The following JAKMIP3 variants were observed in gnomAD, a reference collection of about 807,000 sequenced individuals.
JAKMIP3 encodes the protein Janus kinase and microtubule interacting protein 3.
Under a neutral mutation model 118.5 loss-of-function variants are expected in JAKMIP3, and 58 were observed. That is an observed-to-expected ratio of 0.49 (90% CI 0.40 to 0.61). JAKMIP3 has a LOEUF of 0.61. Ranked by LOEUF, JAKMIP3 falls within the 20% of genes least tolerant of loss-of-function variation. The probability of loss-of-function intolerance (pLI) is 0.00; values close to 1 mark genes in which losing one functional copy is unlikely to be tolerated. For missense variants in JAKMIP3, 950 were observed against 1,109.0 expected, an observed-to-expected ratio of 0.86 and a Z score of 2.04; for synonymous variants, 486 against 451.2, an observed-to-expected ratio of 1.08 and a Z score of -0.98.
At chr10:132,110,844 G>A (rs539528603) in intron 2 of JAKMIP3, among the ~76,000 whole-genome samples, 3 of 152,262 alleles carry the variant, frequency 2.0e-5, no homozygotes, top group African/African-American at 7.2e-5. Context: ...GCGTGAACTC[G>A]GCCTTGTCTT....
chr10:132,147,829 G>C, intron 13 of JAKMIP3, 123 bp from the exon 14 acceptor site: 1 of 652,078 alleles, frequency 1.5e-6, no homozygotes, highest in Non-Finnish European at 2.7e-6. Flanking sequence ...TTCCAGGGCT[G>C]GGTACCAGGC....
At chr10:132,149,091 A>G (rs958889623) in intron 14 of JAKMIP3, among the ~76,000 whole-genome samples, 1 of 151,906 alleles carries the variant, frequency 6.6e-6, no homozygotes, top group African/African-American at 2.4e-5. Flanking sequence ...CCCTCCCCTG[A>G]TCCTCCCCAT....
rs143956340 is a variant in JAKMIP3, at chr10:132,148,346, G to A, written c.1848+296G>A. 8.5e-5 allele frequency among the ~76,000 whole-genome samples: 13 copies of A among 152,292 alleles called. No homozygotes were observed. In the East Asian group the frequency reaches 1.4e-3, roughly 16 times the overall value. On this transcript the variant is annotated intron_variant, in intron 14 of 23. Transcript: ENST00000684848. ...CGTGTAAATATGGGGGAAATGGCCCGTGGCGCTCAGTGTCATGCAGGGAAA... is the reference window on the plus strand; with the variant it reads ...CGTGTAAATATGGGGGAAATGGCCCATGGCGCTCAGTGTCATGCAGGGAAA...
intron 1 of JAKMIP3, among the ~76,000 whole-genome samples, chr10:132,085,388 G>C (rs190629768): frequency 2.2e-4 from 33 of 152,006 alleles, no homozygotes; most frequent in African/African-American, 7.7e-4. Flanking sequence ...ATGATCTTTT[G>C]TATTTCTGTG....
intron 1 of JAKMIP3, among the ~76,000 whole-genome samples, chr10:132,100,622 G>T (rs2044710983): frequency 6.6e-6 from 1 of 152,172 alleles, no homozygotes; most frequent in South Asian, 2.1e-4. Flanking sequence ...CCCCCCAGCA[G>T]CTATGAGCTC....
intron 23 of JAKMIP3, among the ~76,000 whole-genome samples, chr10:132,180,602 C>CGTGT (rs1395185618): frequency 1.7e-4 from 2 of 12,066 alleles, no homozygotes; most frequent in Non-Finnish European, 3.2e-4. Flanking sequence ...TGTGTGCGTG[C>CGTGT]GCGTGTGTGT....
chr10:132,046,328 C>T (rs2037915417), intron 1 of JAKMIP3, among the ~76,000 whole-genome samples: 1 of 152,124 alleles, frequency 6.6e-6, no homozygotes, highest in East Asian at 1.9e-4. Context: ...TGGTGGCGGG[C>T]ACCTGTAGTC....
intron 1 of JAKMIP3, among the ~76,000 whole-genome samples, chr10:132,090,439 G>T (rs1164347854): frequency 2.0e-5 from 3 of 152,114 alleles, no homozygotes; most frequent in African/African-American, 4.8e-5. Context: ...TTAGTCTTGG[G>T]AGGGTGTATG....
rs986995240 is a variant in JAKMIP3, at chr10:132,049,191, G to T, written c.-138+12453G>T. Among the ~76,000 whole-genome samples, 1 of 151,962 alleles carries T rather than the reference G, an allele frequency of 6.6e-6. No individual in the cohort carries two copies. Among genetic ancestry groups the T allele is most frequent in the African/African-American group, 2.4e-5 (1 of 41,266 alleles). On this transcript the variant is annotated intron_variant, in intron 1 of 23. Transcript: ENST00000657785. This position sits in a 1 kb window ranked among gnomAD's most constrained non-coding sequence, Gnocchi z 4.3. Reference sequence around the variant, plus strand: ...GGTGGTCTGGGTTGATTTTCTAGCGGCTGGCGAGCTCTTTGCACCGTGGAT... The same window carrying T: ...GGTGGTCTGGGTTGATTTTCTAGCGTCTGGCGAGCTCTTTGCACCGTGGAT...
rs1004803576 is a variant in JAKMIP3 at position 132,057,123 on chromosome 10, TG to T, written c.-138+20390del. Among the ~76,000 whole-genome samples the T allele has an allele frequency of 4.6e-5, 7 of 152,188 alleles. No homozygotes were observed. In the South Asian group the frequency reaches 1.0e-3, roughly 23 times the overall value. ...TTAGGAAGGACTCCGGGGAAAGGAA[TG>T]GGGGCTGGGAAGAGTGAACCAGGGA... On this transcript the variant is annotated intron_variant, in intron 1 of 23. Coordinates refer to the JAKMIP3 transcript ENST00000657785.
intron 1 of JAKMIP3, among the ~76,000 whole-genome samples, chr10:132,054,233 G>T (rs557228880): frequency 1.3e-5 from 2 of 152,040 alleles, no homozygotes; most frequent in African/African-American, 4.8e-5. Flanking sequence ...ACTGTGGCTC[G>T]GAGGAGCTGG....
intron 1 of JAKMIP3, among the ~76,000 whole-genome samples, chr10:132,074,523 T>A (rs1215917249): frequency 1.3e-5 from 2 of 152,216 alleles, no homozygotes; most frequent in Non-Finnish European, 2.9e-5. Context: ...TTTGCCCACT[T>A]TTTAATGGGT....
rs552740364 is a variant in JAKMIP3 at position 132,180,930 on chromosome 10, G to A, written c.*1104-1427G>A. Reference sequence around the variant, plus strand: ...TTGCATGTGCCTGTATGTGTATTTTGCATTGTGTGTACACATGTACAGTGC... The same window carrying A: ...TTGCATGTGCCTGTATGTGTATTTTACATTGTGTGTACACATGTACAGTGC... On this transcript the variant is annotated intron_variant, in intron 23 of 23. Coordinates refer to ENST00000684848, the MANE Select transcript of JAKMIP3 (RefSeq NM_001323087.2). Among the ~76,000 whole-genome samples, 18 of 152,040 alleles carry A rather than the reference G, an allele frequency of 1.2e-4. 1 individual carries two copies. Among genetic ancestry groups the A allele is most frequent in the Admixed American group, 4.6e-4 (7 of 15,268 alleles).
At chr10:132,093,240 T>C (rs1442638923) in intron 1 of JAKMIP3, among the ~76,000 whole-genome samples, 1 of 152,252 alleles carries the variant, frequency 6.6e-6, no homozygotes, top group Non-Finnish European at 1.5e-5. Context: ...GGGGGCAGTC[T>C]GTCCATTCTC....
upstream of JAKMIP3, among the ~76,000 whole-genome samples, chr10:132,063,869 G>C (rs1200580928): frequency 6.6e-6 from 1 of 152,220 alleles, no homozygotes; most frequent in African/African-American, 2.4e-5. Flanking sequence ...GGCCACTTTA[G>C]AGCTTGGTAT....
chr10:132,180,750 CGCGT>C lies in JAKMIP3; in HGVS notation c.*1104-1605_*1104-1602del, dbSNP rs1230453751. Among the ~76,000 whole-genome samples the C allele has an allele frequency of 7.1e-4, 9 of 12,696 alleles. 2 individuals carry two copies. The highest frequency in any genetic ancestry group is 4.9e-3 in the African/African-American group (8 of 1,626). The allele number at this position is 12,696 out of a possible 152,430, so 8.3% of individuals were successfully genotyped here. ...GTGTGCGTGTGTGCGTGCGTGCGCG[CGCGT>C]GTGTGCGTGTGTGTGCGTGTGTGTG... On this transcript the variant is annotated intron_variant, in intron 23 of 23. Transcript: ENST00000684848.
chr10:132,125,219 T>A (rs866410282), intron 3 of JAKMIP3, among the ~76,000 whole-genome samples: 2 of 152,258 alleles, frequency 1.3e-5, no homozygotes, highest in Non-Finnish European at 2.9e-5. Context: ...CATTTAATTC[T>A]ATAATTCGTC....
At chr10:132,100,186 C>T (rs1296920307) in intron 1 of JAKMIP3, among the ~76,000 whole-genome samples, 4 of 152,222 alleles carry the variant, frequency 2.6e-5, no homozygotes, top group East Asian at 1.9e-4. Flanking sequence ...ACCCCCCGCA[C>T]AGACCCCCAC....
chr10:132,065,454 C>T (rs1038287127), upstream of JAKMIP3, among the ~76,000 whole-genome samples: 1 of 151,364 alleles, frequency 6.6e-6, no homozygotes, highest in Non-Finnish European at 1.5e-5. This position sits in a 1 kb window ranked among gnomAD's most constrained non-coding sequence, Gnocchi z 5.6. Flanking sequence ...ATTATTGACC[C>T]GCTCACTCTG....
Sources: gnomAD v4.1 joint callset for allele counts (sites outside exome capture counted in the v4.1 genomes callset) on GRCh38, gnomAD v4.1.1 for gene constraint, Gnocchi (gnomAD v3.1) non-coding constraint, MANE v1.5 for transcripts, NCBI Gene and HGNC (gene_info 2026-07-23, HGNC 2026-07-21) for gene names.